Variants in GABRG3 observed in about 807,000 individuals in gnomAD.
GABRG3 encodes the protein gamma-aminobutyric acid receptor subunit gamma-3.
GABRG3 carries 25 observed loss-of-function variants against 48.8 expected under a neutral mutation model. That is an observed-to-expected ratio of 0.51 (90% CI 0.37 to 0.72). GABRG3 has a LOEUF of 0.72. Among genes scored for constraint, GABRG3 ranks in the 30% least tolerant of loss-of-function variants. GABRG3 has a pLI of 0.00. For synonymous variants in GABRG3, 227 were observed against 217.6 expected, an observed-to-expected ratio of 1.04 and a Z score of -0.38; for missense variants, 394 against 577.9, an observed-to-expected ratio of 0.68 and a Z score of 3.26.
At chr15:27,039,300 G>A (rs1318265036) in intron 3 of GABRG3, among the ~76,000 whole-genome samples, 1 of 152,236 alleles carries the variant, frequency 6.6e-6, no homozygotes, top group African/African-American at 2.4e-5. Context: ...CCAAGCACAG[G>A]ATCTTTGTCA....
At chr15:27,515,383 G>A (rs559024657) in intron 6 of GABRG3, among the ~76,000 whole-genome samples, 10 of 152,004 alleles carry the variant, frequency 6.6e-5, no homozygotes, top group Admixed American at 6.6e-5. Context: ...TTGAGCCACC[G>A]CGACCGGCTG....
chr15:27,529,173 T>C (rs1043857497), intron 9 of GABRG3, among the ~76,000 whole-genome samples: 1 of 152,174 alleles, frequency 6.6e-6, no homozygotes, highest in Non-Finnish European at 1.5e-5. Flanking sequence ...TTTCTACAAA[T>C]GAGGAAATTA....
intron 3 of GABRG3, among the ~76,000 whole-genome samples, chr15:27,200,703 G>A (rs1464109583): frequency 6.6e-6 from 1 of 152,168 alleles, no homozygotes; most frequent in Non-Finnish European, 1.5e-5. Context: ...CGGCCAGGCA[G>A]TGAAAGCAGC....
At chr15:27,172,576 C>T (rs1887609352) in intron 3 of GABRG3, among the ~76,000 whole-genome samples, 1 of 152,174 alleles carries the variant, frequency 6.6e-6, no homozygotes, top group African/African-American at 2.4e-5. Context: ...GGCTGTTCGG[C>T]ACTCAGAACA....
At chr15:27,357,204 C>T (rs1894870713) in intron 5 of GABRG3, among the ~76,000 whole-genome samples, 1 of 152,130 alleles carries the variant, frequency 6.6e-6, no homozygotes, top group South Asian at 2.1e-4. Flanking sequence ...AGAGACTAGC[C>T]CTTCTTGCAC....
At chr15:27,284,915 CA>C (rs1327979848) in intron 3 of GABRG3, among the ~76,000 whole-genome samples, 3 of 152,128 alleles carry the variant, frequency 2.0e-5, no homozygotes, top group Non-Finnish European at 4.4e-5. Flanking sequence ...AGGTGAGAAA[CA>C]GGAAAGAAAC....
At chr15:27,362,170 T>C (rs907933952) in intron 5 of GABRG3, 2 of 152,196 alleles carry the variant, frequency 1.3e-5, no homozygotes, top group Non-Finnish European at 2.9e-5. Flanking sequence ...GGAGCTCAAA[T>C]TGGCTCAATT....
At chr15:27,081,672 G>C (rs1896994718) in intron 3 of GABRG3, among the ~76,000 whole-genome samples, 1 of 152,108 alleles carries the variant, frequency 6.6e-6, no homozygotes, top group African/African-American at 2.4e-5. Context: ...TAAACACTGA[G>C]TGGCAGGCAG....
chr15:26,983,240 T>C (rs1453273829), intron 2 of GABRG3, among the ~76,000 whole-genome samples: 2 of 152,004 alleles, frequency 1.3e-5, no homozygotes, highest in Admixed American at 6.6e-5. Context: ...AACTTATATG[T>C]ACATAATGTG....
chr15:27,195,286 A>G (rs1436789366), intron 3 of GABRG3, among the ~76,000 whole-genome samples: 1 of 152,154 alleles, frequency 6.6e-6, no homozygotes, highest in East Asian at 1.9e-4. Flanking sequence ...GGTTCTGGGC[A>G]TGATGAGTAA....
chr15:27,152,935 A>G (rs1898345917), intron 3 of GABRG3, among the ~76,000 whole-genome samples: 1 of 147,572 alleles, frequency 6.8e-6, no homozygotes, highest in Non-Finnish European at 1.5e-5. Flanking sequence ...ATCTCGGCTC[A>G]CTGCAAGCTC....
At chr15:27,049,198 C>T (rs1168355471) in intron 3 of GABRG3, among the ~76,000 whole-genome samples, 1 of 152,174 alleles carries the variant, frequency 6.6e-6, no homozygotes, top group Non-Finnish European at 1.5e-5. Flanking sequence ...GATTAGGGAG[C>T]CCTGCATTTT....
At chr15:27,363,046 C>T (rs1254919750) in intron 5 of GABRG3, 1 of 152,122 alleles carries the variant, frequency 6.6e-6, no homozygotes, top group African/African-American at 2.4e-5. Context: ...GAAACTGGTA[C>T]ATAATTCATT....
At chr15:27,513,565 C>G (rs1299837334) in intron 6 of GABRG3, among the ~76,000 whole-genome samples, 1 of 151,942 alleles carries the variant, frequency 6.6e-6, no homozygotes, top group Non-Finnish European at 1.5e-5. Context: ...GAGGAATGCA[C>G]TCAGTGAATA....
chr15:27,307,420 CAT>C lies in GABRG3; in HGVS notation c.271-19385_271-19384del, dbSNP rs1462009654. ...ATAGGTTTATATATTTATATATAAA[CAT>C]ATAGGTTTATATATTTATATATAAA... On this transcript the variant is annotated intron_variant, in intron 3 of 9. Transcript: ENST00000615808. 1.1e-4 allele frequency among the ~76,000 whole-genome samples: 8 copies of C among 73,256 alleles called. 1 individual carries two copies. The highest frequency in any genetic ancestry group is 1.5e-4 in the Non-Finnish European group (5 of 32,258). The allele number at this position is 73,256 out of a possible 152,430, so 48.1% of individuals were successfully genotyped here. A position where few individuals can be genotyped will look rare whatever the true frequency, so the allele number is the denominator to read the frequency against.
chr15:27,213,125 G>T lies in GABRG3; in HGVS notation c.271-113684G>T, dbSNP rs540587251. ...TGTCTGAAGGTACATGTTTAGCTTA[G>T]AGATGTGACTAAGGACCACCAGGGG... On this transcript the variant is annotated intron_variant, in intron 3 of 9. Coordinates refer to ENST00000615808, the MANE Select transcript of GABRG3 (RefSeq NM_033223.5). 9.2e-5 allele frequency among the ~76,000 whole-genome samples: 14 copies of T among 152,264 alleles called. No homozygotes were observed. In the East Asian group the frequency reaches 2.7e-3, roughly 29 times the overall value.
Position 27,221,207 on chromosome 15 carries a change from C to A in GABRG3, c.271-105602C>A, listed in dbSNP as rs557989070. On this transcript the variant is annotated intron_variant, in intron 3 of 9. Transcript: ENST00000615808. Reference sequence around the variant, plus strand: ...TCAGAGAGACAGAAGCATGATGCTTCTCCTTTCTTCAGTGACCTTTTTTGT... The same window carrying A: ...TCAGAGAGACAGAAGCATGATGCTTATCCTTTCTTCAGTGACCTTTTTTGT... Among the ~76,000 whole-genome samples, 3 of 152,192 alleles carry A rather than the reference C, an allele frequency of 2.0e-5. No individual in the cohort carries two copies. In the South Asian group the frequency reaches 6.2e-4, roughly 32 times the overall value.
At chr15:27,528,184 G>T (rs1216693364) in intron 9 of GABRG3, among the ~76,000 whole-genome samples, 192 bp downstream of exon 9, 1 of 152,188 alleles carries the variant, frequency 6.6e-6, no homozygotes, top group Non-Finnish European at 1.5e-5. Flanking sequence ...GAGGAGAAAA[G>T]TAATCATAAT....
At chr15:27,310,103 C>G (rs1892944731) in intron 3 of GABRG3, among the ~76,000 whole-genome samples, 1 of 152,072 alleles carries the variant, frequency 6.6e-6, no homozygotes, top group Non-Finnish European at 1.5e-5. Context: ...TCTACTCCCT[C>G]CCAACGAAAA....
Sources: allele counts gnomAD v4.1 joint callset (sites outside exome capture counted in the v4.1 genomes callset), GRCh38; gene constraint gnomAD v4.1.1; transcripts MANE v1.5; gene names NCBI Gene and HGNC (gene_info 2026-07-23, HGNC 2026-07-21).